Variants in PTPN14 observed in about 807,000 individuals in gnomAD.
PTPN14 encodes protein tyrosine phosphatase non-receptor type 14.
In PTPN14, 53 loss-of-function variants were observed where a neutral mutation model predicts 126.8. The observed-to-expected ratio is 0.42, with a 90% CI of 0.34 to 0.53. The LOEUF is 0.53. Ranked by LOEUF, PTPN14 falls within the 20% of genes least tolerant of loss-of-function variation. PTPN14 has a pLI of 0.08. For missense variants in PTPN14, 1,257 were observed against 1,552.9 expected (o/e 0.81, Z 3.20); for synonymous variants, 630 against 599.3 (o/e 1.05, Z -0.75).
At chr1:214,535,712 G>A (rs1655687815) in intron 1 of PTPN14, among the ~76,000 whole-genome samples, 2 of 151,608 alleles carry the variant, frequency 1.3e-5, no homozygotes, top group East Asian at 1.9e-4. Flanking sequence ...CTGGGAAGCG[G>A]AGGTTGCAGT....
chr1:214,501,124 G>C (rs1654683222), intron 1 of PTPN14, among the ~76,000 whole-genome samples: 1 of 152,202 alleles, frequency 6.6e-6, no homozygotes, highest in South Asian at 2.1e-4. Context: ...TCGTCTCATG[G>C]AGCTGGGTAA....
At chr1:214,541,711 T>C (rs1478175077) in intron 1 of PTPN14, among the ~76,000 whole-genome samples, 1 of 152,168 alleles carries the variant, frequency 6.6e-6, no homozygotes, top group Non-Finnish European at 1.5e-5. Context: ...GAAAACCACT[T>C]TACATTGTTG....
chr1:214,449,011 C>CTTTTTTTTTTTTT lies in PTPN14; in HGVS notation c.344+2781_344+2793dup, dbSNP rs71165970. On this transcript the variant is annotated intron_variant, in intron 3 of 18. Transcript: ENST00000366956. ...TGTGCCCTTGTAAGACTTAATTTTT[C>CTTTTTTTTTTTTT]TTTTTTTTTTTTTGAGACGGAGTCT... 2.9e-3 allele frequency among the ~76,000 whole-genome samples: 323 copies of CTTTTTTTTTTTTT among 112,384 alleles called. 41 individuals carry two copies. The highest frequency in any genetic ancestry group is 3.8e-3 in the Non-Finnish European group (217 of 56,882). The allele number at this position is 112,384 out of a possible 152,430, so 73.7% of individuals were successfully genotyped here.
At chr1:214,449,846 TA>T (rs5780781) in intron 3 of PTPN14, among the ~76,000 whole-genome samples, 9,075 of 146,690 alleles carry the variant, frequency 0.062, 324 homozygotes, top group South Asian at 0.15. Flanking sequence ...AAAATAAAAA[TA>T]AAAAAAAAAG....
At chr1:214,426,032 CAAAAAAAAAAAA>C (rs66656875) in intron 3 of PTPN14, among the ~76,000 whole-genome samples, 9 of 33,868 alleles carry the variant, frequency 2.7e-4, no homozygotes, top group African/African-American at 6.9e-4. Context: ...GCATAAATCG[CAAAAAAAAAAAA>C]AAAAAAAAAA....
In PTPN14 at chr1:214,364,988, A is replaced by G. The variant is rs1239368299; in HGVS notation, c.3272-313T>C. Among the ~76,000 whole-genome samples the G allele has an allele frequency of 6.6e-6, 1 of 152,012 alleles. No homozygotes were observed. The highest frequency in any genetic ancestry group is 1.9e-4 in the East Asian group (1 of 5,164). ...CTGTTTTCCCCTCTGCAAATCCCTA[A>G]GTCCCTCAAGCAGATGATTCTAGAC... On this transcript the variant is annotated intron_variant, in intron 17 of 18. Transcript: ENST00000366956. The surrounding 1 kb of genome is among the most constrained non-coding windows in gnomAD (Gnocchi z 4.1).
Position 214,363,426 on chromosome 1 carries a change from T to C in PTPN14, c.3435+1086A>G, listed in dbSNP as rs1447007437. ...ATTCATGCTATTGAATAAATAGGTA[T>C]ATTATCATATAAATTCCTCCACAGA... On this transcript the variant is annotated intron_variant, in intron 18 of 18. Coordinates refer to ENST00000366956, the MANE Select transcript of PTPN14 (RefSeq NM_005401.5). Among the ~76,000 whole-genome samples the C allele has an allele frequency of 3.3e-5, 5 of 152,230 alleles. No homozygotes were observed. The East Asian group carries it at 7.7e-4, about 23-fold the overall frequency.
At chr1:214,529,059 T>C (rs940281467) in intron 1 of PTPN14, 3 of 151,976 alleles carry the variant, frequency 2.0e-5, no homozygotes. Context: ...CTCTAAGACT[T>C]TGGGAGGCCA....
chr1:214,499,269 A>C (rs1654619869), intron 1 of PTPN14, among the ~76,000 whole-genome samples: 1 of 152,168 alleles, frequency 6.6e-6, no homozygotes, highest in Admixed American at 6.6e-5. Flanking sequence ...AAAATGAATG[A>C]GGAGGCTCGC....
chr1:214,479,175 C>T (rs993016018), intron 1 of PTPN14, among the ~76,000 whole-genome samples: 2 of 152,026 alleles, frequency 1.3e-5, no homozygotes, highest in African/African-American at 4.8e-5. Flanking sequence ...GCAAGACCCA[C>T]ATCTCTACAA....
intron 1 of PTPN14, among the ~76,000 whole-genome samples, chr1:214,504,056 T>C: frequency 6.6e-6 from 1 of 152,174 alleles, no homozygotes; most frequent in Middle Eastern, 3.2e-3. Flanking sequence ...ATAGGAATGC[T>C]GCGAATAATG....
In PTPN14 at chr1:214,388,476, G is replaced by A. The variant is rs370460341; in HGVS notation, c.988-1554C>T. On this transcript the variant is annotated intron_variant, in intron 11 of 18. Transcript: ENST00000366956. The stretch of plus-strand genomic sequence containing the variant: ...GGCTGGAGTGCAGTGGCACAATCTC[G>A]GCTCACTGCAACCTCCGCCTCCCGG... 1.6e-4 allele frequency among the ~76,000 whole-genome samples: 25 copies of A among 151,644 alleles called. No individual in the cohort carries two copies. In the East Asian group the frequency reaches 3.5e-3, roughly 21 times the overall value.
chr1:214,513,482 A>G (rs374133659), intron 1 of PTPN14, among the ~76,000 whole-genome samples: 1 of 151,638 alleles, frequency 6.6e-6, no homozygotes, highest in Admixed American at 6.6e-5. Flanking sequence ...CCTGAATTTC[A>G]GTCTAGGCAC....
intron 3 of PTPN14, among the ~76,000 whole-genome samples, chr1:214,446,787 G>A (rs1369154681): frequency 6.6e-6 from 1 of 151,954 alleles, no homozygotes; most frequent in Non-Finnish European, 1.5e-5. Context: ...CTTTGTCCTT[G>A]TTCAGAGAGA....
At chr1:214,504,083 C>T (rs1426970162) in intron 1 of PTPN14, among the ~76,000 whole-genome samples, 1 of 152,154 alleles carries the variant, frequency 6.6e-6, no homozygotes, top group Admixed American at 6.5e-5. Flanking sequence ...CTTTCCCATT[C>T]CTCCCCAACT....
In PTPN14 at chr1:214,357,767, C is replaced by T; in HGVS notation, c.*155G>A. The T allele has an allele frequency of 1.8e-6, 1 of 558,718 alleles. No homozygotes were observed. Among genetic ancestry groups the T allele is most frequent in the East Asian group, 2.9e-5 (1 of 34,348 alleles). The allele number at this position is 558,718 out of a possible 1,614,324, so 34.6% of individuals were successfully genotyped here. ...ATAAATTATCTCATATAAAATAATA[C>T]ATGGTATGTGTGAATAATCTTGGCT... On this transcript the variant is annotated 3_prime_UTR_variant, in exon 19 of 19. Coordinates refer to ENST00000366956, the MANE Select transcript of PTPN14 (RefSeq NM_005401.5).
chr1:214,517,135 C>T (rs1345101965), intron 1 of PTPN14, among the ~76,000 whole-genome samples: 1 of 152,176 alleles, frequency 6.6e-6, no homozygotes, highest in Non-Finnish European at 1.5e-5. Flanking sequence ...TTTACAATGT[C>T]GTGTCCACAT....
In PTPN14 at chr1:214,369,557, C is replaced by T. The variant is rs1284775561; in HGVS notation, c.3171G>A (p.Lys1057=). 1 of 1,614,154 alleles carries T rather than the reference C, an allele frequency of 6.2e-7. No individual in the cohort carries two copies. The change falls in exon 17 of 19, where the codon AAG becomes AAA. Residue 1057 remains lysine, a synonymous_variant. Transcript: ENST00000366956. ...CTTGCCCAGACAAAAGGTGCTTGAC[C>T]TTCAAGCCCGTGGTTGCATAGCAAA... ...DSVCYATTGL[K]VKHLLSGQER...
intron 11 of PTPN14, 100 bp from the exon 12 acceptor site, chr1:214,387,022 G>A: frequency 8.9e-7 from 1 of 1,118,748 alleles, no homozygotes; most frequent in South Asian, 1.4e-5. Context: ...CACGTTGTAA[G>A]GGAGGCTCGT....
Sources: allele counts gnomAD v4.1 joint callset (sites outside exome capture counted in the v4.1 genomes callset), GRCh38; gene constraint gnomAD v4.1.1; non-coding constraint Gnocchi (gnomAD v3.1); transcripts MANE v1.5; gene names NCBI Gene and HGNC (gene_info 2026-07-23, HGNC 2026-07-21).